CAMK1D: variants seen among roughly 807,000 people sequenced by gnomAD.
CAMK1D encodes calcium/calmodulin dependent protein kinase ID, also known as calcium/calmodulin-dependent protein kinase type 1D.
Under a neutral mutation model 47.7 loss-of-function variants are expected in CAMK1D, and 9 were observed. The ratio of observed to expected loss-of-function variants is 0.19; its 90% CI spans 0.11 to 0.33. The LOEUF (loss-of-function observed/expected upper bound fraction) is 0.33, where lower values mean the gene tolerates loss of function less well. Among genes scored for constraint, CAMK1D ranks in the 10% least tolerant of loss-of-function variants. CAMK1D has a pLI of 1.00. For missense variants in CAMK1D, 291 were observed against 488.7 expected (o/e 0.60, Z 3.81); for synonymous variants, 184 against 184.9 (o/e 0.99, Z 0.04).
At chr10:12,778,766 A>G (rs937310861) in intron 5 of CAMK1D, among the ~76,000 whole-genome samples, 1 of 152,150 alleles carries the variant, frequency 6.6e-6, no homozygotes, top group Non-Finnish European at 1.5e-5. Flanking sequence ...CCAGCTATTC[A>G]GGAGGCTGAC....
intron 2 of CAMK1D, among the ~76,000 whole-genome samples, chr10:12,647,797 G>A (rs1299514078): frequency 6.6e-6 from 1 of 152,150 alleles, no homozygotes; most frequent in African/African-American, 2.4e-5. Flanking sequence ...GCTTACTCAG[G>A]AGTTCTTGAC....
intron 3 of CAMK1D, among the ~76,000 whole-genome samples, chr10:12,669,934 A>G (rs1479485624): frequency 6.6e-6 from 1 of 152,072 alleles, no homozygotes; most frequent in East Asian, 1.9e-4. Context: ...TTGTATTTAT[A>G]GACACTTGGG....
At chr10:12,423,033 T>C (rs1321702082) in intron 1 of CAMK1D, among the ~76,000 whole-genome samples, 1 of 151,820 alleles carries the variant, frequency 6.6e-6, no homozygotes, top group Non-Finnish European at 1.5e-5. Context: ...TTGGGGAGGG[T>C]TTGCTTTTGT....
chr10:12,520,943 A>AGGGAGGGGAAGG (rs1554781341), intron 1 of CAMK1D, among the ~76,000 whole-genome samples: 1 of 2,758 alleles, frequency 3.6e-4, no homozygotes, highest in Non-Finnish European at 7.3e-4. Context: ...GGAGAGGGAG[A>AGGGAGGGGAAGG]GGGAGGGGGA....
At chr10:12,373,813 G>T (rs542864628) in intron 1 of CAMK1D, among the ~76,000 whole-genome samples, 1 of 151,868 alleles carries the variant, frequency 6.6e-6, no homozygotes, top group Admixed American at 6.6e-5. Flanking sequence ...GGTGGCTCAC[G>T]CCTGTAATCC....
At chr10:12,466,845 C>T (rs906009292) in intron 1 of CAMK1D, among the ~76,000 whole-genome samples, 2 of 152,068 alleles carry the variant, frequency 1.3e-5, no homozygotes, top group African/African-American at 4.8e-5. Context: ...CTGAGAGCGA[C>T]ATCTGGTCCA....
At chr10:12,579,168 T>TGGAACAGCATGGTATGGGCAG (rs1239042407) in intron 2 of CAMK1D, among the ~76,000 whole-genome samples, 1 of 151,974 alleles carries the variant, frequency 6.6e-6, no homozygotes, top group Non-Finnish European at 1.5e-5. Flanking sequence ...GCTGTGGGTG[T>TGGAACAGCATGGTATGGGCAG]GGAACAGCAT....
At chr10:12,779,262 G>A (rs1317674529) in intron 5 of CAMK1D, among the ~76,000 whole-genome samples, 1 of 152,178 alleles carries the variant, frequency 6.6e-6, no homozygotes, top group African/African-American at 2.4e-5. Context: ...ATAAAAGTCA[G>A]AGCTAAGGAA....
chr10:12,414,734 G>C (rs1839785526), intron 1 of CAMK1D, among the ~76,000 whole-genome samples: 1 of 152,162 alleles, frequency 6.6e-6, no homozygotes, highest in Non-Finnish European at 1.5e-5. Flanking sequence ...TCGTTTCCTT[G>C]AGACACGCTG....
intron 5 of CAMK1D, among the ~76,000 whole-genome samples, chr10:12,786,357 C>T (rs146766626): frequency 3.9e-5 from 6 of 151,984 alleles, no homozygotes; most frequent in East Asian, 1.9e-4. Flanking sequence ...TTTTGTTGGT[C>T]GATATAACAC....
chr10:12,456,233 C>T (rs1475151542), intron 1 of CAMK1D, among the ~76,000 whole-genome samples: 1 of 152,190 alleles, frequency 6.6e-6, no homozygotes, highest in African/African-American at 2.4e-5. Flanking sequence ...ATTTCCATGT[C>T]ATTGTGTGTC....
intron 1 of CAMK1D, among the ~76,000 whole-genome samples, chr10:12,474,731 G>T (rs939033653): frequency 1.3e-5 from 2 of 151,744 alleles, no homozygotes; most frequent in African/African-American, 4.8e-5. Flanking sequence ...TATTTGTTCT[G>T]AGTCTCTCCC....
intron 2 of CAMK1D, among the ~76,000 whole-genome samples, chr10:12,573,516 T>G (rs1407556377): frequency 6.6e-6 from 1 of 152,172 alleles, no homozygotes; most frequent in African/African-American, 2.4e-5. Context: ...GCAGTGTGAG[T>G]GGGGGACTCA....
chr10:12,707,961 C>A (rs914584624), intron 3 of CAMK1D, among the ~76,000 whole-genome samples: 1 of 152,206 alleles, frequency 6.6e-6, no homozygotes, highest in African/African-American at 2.4e-5. Context: ...GGGATCCCCC[C>A]TCTGCCCGAC....
chr10:12,387,378 A>C (rs1838536502), intron 1 of CAMK1D, among the ~76,000 whole-genome samples: 1 of 33,154 alleles, frequency 3.0e-5, no homozygotes, highest in Non-Finnish European at 1.1e-4. Context: ...TATATATTAT[A>C]TATTATATAT....
At chr10:12,490,444 CAG>C (rs1834348465) in intron 1 of CAMK1D, among the ~76,000 whole-genome samples, 1 of 152,112 alleles carries the variant, frequency 6.6e-6, no homozygotes, top group African/African-American at 2.4e-5. Context: ...GGTATTCTGA[CAG>C]AGGGCGGACA....
chr10:12,592,762 A>G (rs573311664), intron 2 of CAMK1D, among the ~76,000 whole-genome samples: 2 of 152,330 alleles, frequency 1.3e-5, no homozygotes, highest in African/African-American at 2.4e-5. Context: ...TCCCGTGGCT[A>G]CTAATAGTAA....
intron 2 of CAMK1D, among the ~76,000 whole-genome samples, chr10:12,600,296 ACCT>A (rs1838263787): frequency 6.6e-6 from 1 of 152,114 alleles, no homozygotes; most frequent in Non-Finnish European, 1.5e-5. Context: ...TCCCTTTGAG[ACCT>A]CCTCAACTCA....
intron 1 of CAMK1D, among the ~76,000 whole-genome samples, chr10:12,372,965 G>C (rs989723147): frequency 1.5e-4 from 23 of 152,166 alleles, no homozygotes; most frequent in African/African-American, 4.8e-4. Flanking sequence ...AGATGGAGAT[G>C]AATCATAAGA....
Sources: gnomAD v4.1 joint callset for allele counts (sites outside exome capture counted in the v4.1 genomes callset) on GRCh38, gnomAD v4.1.1 for gene constraint, MANE v1.5 for transcripts, NCBI Gene and HGNC (gene_info 2026-07-23, HGNC 2026-07-21) for gene names.